Variants in DIAPH2 observed in about 807,000 individuals in gnomAD.
DIAPH2 encodes protein diaphanous homolog 2.
DIAPH2 carries 35 observed loss-of-function variants against 92.7 expected under a neutral mutation model. The ratio of observed to expected loss-of-function variants is 0.38; its 90% CI spans 0.29 to 0.50. The LOEUF is 0.50. DIAPH2 is among the 20% of genes least tolerant of loss of function. The pLI is 0.94. For missense variants in DIAPH2, 701 were observed against 819.5 expected, an observed-to-expected ratio of 0.86 and a Z score of 1.77; for synonymous variants, 301 against 280.4, an observed-to-expected ratio of 1.07 and a Z score of -0.73.
chrX:97,275,059 A>G (rs2068427417), intron 23 of DIAPH2, among the ~76,000 whole-genome samples: 1 of 111,974 alleles, frequency 8.9e-6, no homozygotes, highest in Admixed American at 9.4e-5. Context: ...CAGACACAGC[A>G]ACAATCTGAT....
At chrX:97,438,668 C>T (rs1323844642) in intron 26 of DIAPH2, among the ~76,000 whole-genome samples, 1 of 110,183 alleles carries the variant, frequency 9.1e-6, no homozygotes. Context: ...TAAGCCACCA[C>T]GCCACACCAA....
At chrX:97,263,681 G>C (rs900438662) in intron 23 of DIAPH2, among the ~76,000 whole-genome samples, 5 of 108,854 alleles carry the variant, frequency 4.6e-5, no homozygotes, top group African/African-American at 1.7e-4. Flanking sequence ...CCGCCTCCTG[G>C]GCTAAAGCGA....
intron 22 of DIAPH2, 129 bp downstream of exon 22, chrX:97,141,923 A>G: frequency 1.3e-6 from 1 of 744,701 alleles, no homozygotes; most frequent in Non-Finnish European, 1.9e-6. Context: ...AAAGCAGGAA[A>G]ATAGTTTCCA....
chrX:97,275,170 G>A (rs1432173236), intron 23 of DIAPH2, among the ~76,000 whole-genome samples: 3 of 112,174 alleles, frequency 2.7e-5, no homozygotes, highest in African/African-American at 9.7e-5. Context: ...CCTCCCAGAC[G>A]GGGTGGCGGC....
chrX:97,523,062 C>T (rs1337828589), intron 26 of DIAPH2, among the ~76,000 whole-genome samples: 2 of 112,415 alleles, frequency 1.8e-5, no homozygotes, highest in African/African-American at 6.5e-5. Flanking sequence ...CTGAGTCAAA[C>T]CTCTGTCTCA....
chrX:97,019,907 G>C (rs140772530), intron 17 of DIAPH2, among the ~76,000 whole-genome samples: 1 of 111,990 alleles, frequency 8.9e-6, no homozygotes, highest in Non-Finnish European at 1.9e-5. Context: ...TAGGATTGTC[G>C]CATCATTATG....
chrX:97,188,853 G>A (rs2067628262), intron 22 of DIAPH2, among the ~76,000 whole-genome samples: 1 of 112,289 alleles, frequency 8.9e-6, no homozygotes, highest in Non-Finnish European at 1.9e-5. Flanking sequence ...AACACGGAAA[G>A]CATATTCTCT....
At chrX:96,735,073 C>G (rs761434303) in intron 1 of DIAPH2, among the ~76,000 whole-genome samples, 241 of 111,366 alleles carry the variant, frequency 2.2e-3, no homozygotes, top group Middle Eastern at 4.7e-3. Flanking sequence ...CTTGAACTAT[C>G]CCGTGAATCA....
At chrX:97,220,841 G>T in intron 22 of DIAPH2, among the ~76,000 whole-genome samples, 1 of 111,771 alleles carries the variant, frequency 8.9e-6, no homozygotes, top group Non-Finnish European at 1.9e-5. Context: ...ATTCGTGTGT[G>T]TTTGTGCGTG....
At chrX:97,052,948 A>G (rs1209158015) in intron 17 of DIAPH2, among the ~76,000 whole-genome samples, 1 of 110,918 alleles carries the variant, frequency 9.0e-6, no homozygotes, top group Non-Finnish European at 1.9e-5. Flanking sequence ...TTCAGGCTGC[A>G]TGAAGGCTGG....
chrX:96,926,005 A>G (rs1287641930), intron 9 of DIAPH2, among the ~76,000 whole-genome samples: 1 of 111,581 alleles, frequency 9.0e-6, no homozygotes, highest in Admixed American at 9.6e-5. Flanking sequence ...ATAAAGAAAG[A>G]CCTTGTTAAT....
intron 25 of DIAPH2, among the ~76,000 whole-genome samples, chrX:97,401,631 G>C (rs1047922465): frequency 6.3e-5 from 7 of 111,763 alleles, no homozygotes; most frequent in Non-Finnish European, 1.1e-4. Flanking sequence ...GAACTGGTTA[G>C]AAATGCAAAG....
intron 26 of DIAPH2, among the ~76,000 whole-genome samples, chrX:97,518,562 A>G (rs2070967698): frequency 1.8e-5 from 2 of 109,973 alleles, no homozygotes; most frequent in South Asian, 3.9e-4. Context: ...GTGTATATAT[A>G]TATGTGTGTA....
At chrX:97,535,592 C>T (rs772389920) in intron 26 of DIAPH2, among the ~76,000 whole-genome samples, 2 of 111,016 alleles carry the variant, frequency 1.8e-5, no homozygotes, top group East Asian at 5.6e-4. Flanking sequence ...GATGGGATTG[C>T]AGGCACGCGC....
intron 19 of DIAPH2, among the ~76,000 whole-genome samples, chrX:97,084,679 C>T (rs2066771067): frequency 9.0e-6 from 1 of 110,783 alleles, no homozygotes; most frequent in Non-Finnish European, 1.9e-5. Context: ...CATTTGCATG[C>T]TGACAAGAGA....
intron 4 of DIAPH2, among the ~76,000 whole-genome samples, chrX:96,799,764 C>T (rs1012591148): frequency 8.2e-5 from 9 of 110,262 alleles, no homozygotes; most frequent in Admixed American, 1.9e-4. Flanking sequence ...GCTGAGATTG[C>T]GCCATTGCAC....
intron 22 of DIAPH2, among the ~76,000 whole-genome samples, chrX:97,202,768 G>A (rs1047891395): frequency 1.1e-4 from 12 of 111,935 alleles, no homozygotes; most frequent in African/African-American, 3.9e-4. Context: ...ATGTTTGACA[G>A]ATTAACAAGA....
intron 26 of DIAPH2, among the ~76,000 whole-genome samples, chrX:97,564,835 T>G (rs1474438177): frequency 9.0e-6 from 1 of 111,514 alleles, no homozygotes. Flanking sequence ...GGTCAACTCA[T>G]GCACTATAGA....
chrX:97,555,472 G>T, intron 26 of DIAPH2: 1 of 741,873 alleles, frequency 1.3e-6, no homozygotes, highest in Non-Finnish European at 1.6e-6. Flanking sequence ...CTGCAAAGGT[G>T]AGAGTTGAAA....
Sources: allele counts gnomAD v4.1 joint callset (sites outside exome capture counted in the v4.1 genomes callset), GRCh38; gene constraint gnomAD v4.1.1; transcripts MANE v1.5; gene names NCBI Gene and HGNC (gene_info 2026-07-23, HGNC 2026-07-21).